ICA1: variants seen among roughly 807,000 people sequenced by gnomAD.
ICA1 encodes islet cell autoantigen 1.
Under a neutral mutation model 71.0 loss-of-function variants are expected in ICA1, and 40 were observed. That is an observed-to-expected ratio of 0.56 (90% CI 0.44 to 0.73). ICA1 has a LOEUF of 0.73. ICA1 is among the 30% of genes least tolerant of loss of function. The pLI is 0.00. For synonymous variants in ICA1, 207 were observed against 209.5 expected, an observed-to-expected ratio of 0.99 and a Z score of 0.10; for missense variants, 578 against 576.5, an observed-to-expected ratio of 1.00 and a Z score of -0.03.
In ICA1 at chr7:8,253,562, C is replaced by T. The variant is rs145864215; in HGVS notation, c.-80+8532G>A. On this transcript the variant is annotated intron_variant, in intron 1 of 13. Transcript: ENST00000402384. The stretch of plus-strand genomic sequence containing the variant: ...TTTGGACTGCATAGGTCCACCTATA[C>T]ACCAGTTTTTTTCAACCAAAGGCAA... Among the ~76,000 whole-genome samples the T allele has an allele frequency of 2.8e-3, 421 of 152,246 alleles. 1 individual carries two copies. Among genetic ancestry groups the T allele is most frequent in the African/African-American group, 9.6e-3 (401 of 41,556 alleles).
chr7:8,113,968 A>C lies in ICA1; in HGVS notation c.1407T>G (p.Asp469Glu), dbSNP rs1254784334. 3 of 1,614,044 alleles carry C rather than the reference A, an allele frequency of 1.9e-6. No homozygotes were observed. The highest frequency in any genetic ancestry group is 3.3e-5 in the Admixed American group (2 of 60,006). Residue 469 changes from aspartate to glutamate, a missense_variant, in exon 14 of 14, where the codon GAT becomes GAG. Coordinates refer to ENST00000402384, the MANE Select transcript of ICA1 (RefSeq NM_001136020.3). The surrounding 1 kb of genome is among the most constrained non-coding windows in gnomAD (Gnocchi z 4.2). Reference sequence around the variant, plus strand: ...GTTCTTTATCGGTTTTCCCAACAGCATCAGGATTTGAGAGTGGGTCGAGGT... The same window carrying C: ...GTTCTTTATCGGTTTTCCCAACAGCCTCAGGATTTGAGAGTGGGTCGAGGT... ...FADLDPLSNPDAVGKTDKEHE... is the reference protein window; with the variant it reads ...FADLDPLSNPEAVGKTDKEHE...
In ICA1 at chr7:8,138,744, G is replaced by A. The variant is rs1238911283; in HGVS notation, c.1060+96C>T. On this transcript the variant is annotated intron_variant, in intron 12 of 13. Coordinates refer to ENST00000402384, the MANE Select transcript of ICA1 (RefSeq NM_001136020.3). Reference sequence around the variant, plus strand: ...AAAAAACTTTCCTTTGGAATGCAAAGCTATTAAAAAGATTAAGATTACACT... The same window carrying A: ...AAAAAACTTTCCTTTGGAATGCAAAACTATTAAAAAGATTAAGATTACACT... 10 of 1,052,418 alleles carry A rather than the reference G, an allele frequency of 9.5e-6. No homozygotes were observed. The Admixed American group carries it at 1.1e-4, about 12-fold the overall frequency. 65.2% of individuals were successfully genotyped at this position (1,052,418 alleles called of 1,614,324 possible).
Position 8,225,043 on chromosome 7 carries a change from G to A in ICA1, c.256+3558C>T, listed in dbSNP as rs143596317. 6.2e-4 allele frequency among the ~76,000 whole-genome samples: 95 copies of A among 152,196 alleles called. 2 individuals are homozygous for A. In the East Asian group the frequency reaches 0.017, roughly 27 times the overall value. On this transcript the variant is annotated intron_variant, in intron 4 of 13. Coordinates refer to ENST00000402384, the MANE Select transcript of ICA1 (RefSeq NM_001136020.3). ...ATCTGCTGGGTTTCTCCACTGCAAA[G>A]TTAAGAATGTTTTTTTCCTTTTGTA...
intron 13 of ICA1, among the ~76,000 whole-genome samples, chr7:8,124,706 A>G (rs1032198612): frequency 3.9e-4 from 60 of 152,032 alleles, no homozygotes; most frequent in African/African-American, 1.4e-3. Flanking sequence ...TTTTCCTCCT[A>G]TCATTTCAGT....
chr7:8,251,668 A>T (rs1279193133), intron 1 of ICA1, among the ~76,000 whole-genome samples: 1 of 151,972 alleles, frequency 6.6e-6, no homozygotes, highest in Non-Finnish European at 1.5e-5. Context: ...TCAGCCAGTT[A>T]ACAATTTGGT....
intron 1 of ICA1, among the ~76,000 whole-genome samples, chr7:8,247,399 G>T (rs747007828): frequency 6.6e-6 from 1 of 152,114 alleles, no homozygotes; most frequent in Non-Finnish European, 1.5e-5. Context: ...GGTCAAGGCT[G>T]CAGAGAGCCA....
In ICA1 at chr7:8,233,277, G is replaced by A. The variant is rs146619130; in HGVS notation, c.18-522C>T. ...AAGCAGAGAGTAGAATGGCAGTTACGAGTGGCTAGAAGGTAGGAAGAAATG... is the reference window on the plus strand; with the variant it reads ...AAGCAGAGAGTAGAATGGCAGTTACAAGTGGCTAGAAGGTAGGAAGAAATG... On this transcript the variant is annotated intron_variant, in intron 2 of 13. Transcript: ENST00000402384. 2.0e-5 allele frequency among the ~76,000 whole-genome samples: 3 copies of A among 152,204 alleles called. No individual in the cohort carries two copies. In the East Asian group the frequency reaches 5.8e-4, roughly 29 times the overall value.
At chr7:8,230,035 G>C (rs1006581117) in intron 3 of ICA1, among the ~76,000 whole-genome samples, 1 of 152,214 alleles carries the variant, frequency 6.6e-6, no homozygotes, top group African/African-American at 2.4e-5. Context: ...GGAGTGTTCA[G>C]TTCTGTGAGT....
chr7:8,196,918 T>A (rs1027209295), intron 6 of ICA1, among the ~76,000 whole-genome samples: 1 of 152,028 alleles, frequency 6.6e-6, no homozygotes, highest in Non-Finnish European at 1.5e-5. Context: ...CAAGCTTTCT[T>A]TCCTCCCGCC....
intron 6 of ICA1, among the ~76,000 whole-genome samples, chr7:8,175,343 G>C (rs1780254103): frequency 6.6e-6 from 1 of 152,126 alleles, no homozygotes; most frequent in African/African-American, 2.4e-5. Flanking sequence ...AGATGTGGTT[G>C]TCATTTTACT....
chr7:8,239,846 G>T (rs2128483487), intron 1 of ICA1, among the ~76,000 whole-genome samples: 1 of 152,366 alleles, frequency 6.6e-6, no homozygotes, highest in Admixed American at 6.5e-5. Flanking sequence ...AGCTGGGGCA[G>T]GGGCGTCTGC....
intron 6 of ICA1, among the ~76,000 whole-genome samples, chr7:8,184,421 C>G (rs1783240854): frequency 6.6e-6 from 1 of 152,158 alleles, no homozygotes; most frequent in African/African-American, 2.4e-5. Context: ...GGGCTACTGT[C>G]TTTACTTTGA....
At chr7:8,117,170 G>T (rs1785073533) in intron 13 of ICA1, among the ~76,000 whole-genome samples, 2 of 152,172 alleles carry the variant, frequency 1.3e-5, no homozygotes, top group Admixed American at 1.3e-4. Context: ...TGCCATGATT[G>T]TAAGTTTCCT....
intron 13 of ICA1, among the ~76,000 whole-genome samples, chr7:8,115,941 A>C (rs1183181864): frequency 6.6e-6 from 1 of 152,248 alleles, no homozygotes; most frequent in Non-Finnish European, 1.5e-5. Flanking sequence ...CAAACCTCAG[A>C]GGCCTTTCAT....
chr7:8,178,847 T>C (rs911484247), intron 6 of ICA1, among the ~76,000 whole-genome samples: 13 of 152,184 alleles, frequency 8.5e-5, no homozygotes, highest in Non-Finnish European at 1.8e-4. Context: ...TTTGTCATCA[T>C]AGGCCTGACA....
At chr7:8,228,038 G>T (rs556256986) in intron 4 of ICA1, among the ~76,000 whole-genome samples, 4 of 152,118 alleles carry the variant, frequency 2.6e-5, no homozygotes, top group Admixed American at 1.3e-4. Context: ...TTATTAAAAT[G>T]ACCTACAAAT....
rs113062448 is a variant in ICA1, at chr7:8,156,961, A to G, written c.804+155T>C. 5 of 1,520,758 alleles carry G rather than the reference A, an allele frequency of 3.3e-6. No homozygotes were observed. The South Asian group carries it at 6.4e-5, about 19-fold the overall frequency. The allele number at this position is 1,520,758 out of a possible 1,614,324, so 94.2% of individuals were successfully genotyped here. On this transcript the variant is annotated intron_variant, in intron 8 of 13. Coordinates refer to ENST00000402384, the MANE Select transcript of ICA1 (RefSeq NM_001136020.3). ...AAAAAAAAAAAAAAAAAAAGAAAGAAAGAAAGAAAGAAAAAGACTCTGCTG... is the reference window on the plus strand; with the variant it reads ...AAAAAAAAAAAAAAAAAAAGAAAGAGAGAAAGAAAGAAAAAGACTCTGCTG...
intron 1 of ICA1, among the ~76,000 whole-genome samples, chr7:8,240,666 A>G (rs1803472866): frequency 1.3e-5 from 2 of 152,220 alleles, no homozygotes; most frequent in Non-Finnish European, 2.9e-5. Context: ...AAACCTTGAA[A>G]AAAAGATCAG....
chr7:8,259,584 C>T (rs1004000172), intron 1 of ICA1, among the ~76,000 whole-genome samples: 2 of 152,186 alleles, frequency 1.3e-5, no homozygotes, highest in Non-Finnish European at 2.9e-5. Flanking sequence ...TATTTAAAAG[C>T]GTGCAAAGCA....
Sources: gnomAD v4.1 joint callset for allele counts (sites outside exome capture counted in the v4.1 genomes callset) on GRCh38, gnomAD v4.1.1 for gene constraint, Gnocchi (gnomAD v3.1) non-coding constraint, MANE v1.5 for transcripts, NCBI Gene and HGNC (gene_info 2026-07-23, HGNC 2026-07-21) for gene names.